Variants in SH2D6 observed in about 807,000 individuals in gnomAD.
SH2D6 encodes the protein SH2 domain containing 6.
Under a neutral mutation model 30.2 loss-of-function variants are expected in SH2D6, and 31 were observed. That is an observed-to-expected ratio of 1.03 (90% CI 0.77 to 1.38). SH2D6 has a LOEUF of 1.38. Among genes scored for constraint, SH2D6 ranks in the 40% most tolerant of loss-of-function variants. The pLI, the probability that SH2D6 is intolerant of heterozygous loss-of-function variation, is 0.00. For missense variants in SH2D6, 240 were observed against 266.8 expected (o/e 0.90, Z 0.70); for synonymous variants, 93 against 104.6 (o/e 0.89, Z 0.68).
chr2:85,423,016 T>G (rs1362929102), intron 5 of SH2D6, among the ~76,000 whole-genome samples: 1 of 151,798 alleles, frequency 6.6e-6, no homozygotes, highest in African/African-American at 2.4e-5. Flanking sequence ...GCCTCCCTAG[T>G]AGCTAGGATT....
intron 15 of SH2D6, 45 bp from the exon 16 acceptor site, chr2:85,433,526 A>T: frequency 1.0e-6 from 1 of 970,470 alleles, no homozygotes; most frequent in Non-Finnish European, 1.2e-6. Flanking sequence ...ATGGAGCCTC[A>T]GGACTGGTCA....
intron 14 of SH2D6, among the ~76,000 whole-genome samples, chr2:85,432,762 C>T (rs949675397): frequency 7.2e-5 from 11 of 152,196 alleles, no homozygotes; most frequent in African/African-American, 2.4e-4. Flanking sequence ...CCTCGAACTC[C>T]TCACCTCAAG....
chr2:85,426,717 A>T (rs1688079377), intron 6 of SH2D6, among the ~76,000 whole-genome samples: 2 of 152,372 alleles, frequency 1.3e-5, no homozygotes, highest in African/African-American at 4.8e-5. Flanking sequence ...ATAAACCAGT[A>T]AACATAAGTA....
At chr2:85,427,147 A>G (rs891200802) in intron 6 of SH2D6, among the ~76,000 whole-genome samples, 1 of 152,224 alleles carries the variant, frequency 6.6e-6, no homozygotes, top group Non-Finnish European at 1.5e-5. Context: ...CCTTGGGCCC[A>G]TGGCCTGTTC....
intron 13 of SH2D6, 127 bp downstream of exon 13, chr2:85,431,395 T>C: frequency 6.6e-6 from 1 of 150,606 alleles, no homozygotes; most frequent in Non-Finnish European, 1.5e-5. Flanking sequence ...AAGAGGCCCC[T>C]GAAAAATCAG....
chr2:85,420,492 G>A (rs1000556530), intron 2 of SH2D6, among the ~76,000 whole-genome samples: 3 of 152,192 alleles, frequency 2.0e-5, no homozygotes, highest in Admixed American at 2.0e-4. Flanking sequence ...CTTCGCACCA[G>A]ACCCTCAAGT....
intron 6 of SH2D6, among the ~76,000 whole-genome samples, chr2:85,426,227 G>A (rs896399084): frequency 5.3e-5 from 8 of 152,042 alleles, no homozygotes; most frequent in African/African-American, 1.4e-4. Flanking sequence ...CACGGGTCCC[G>A]GCTACACTTC....
Position 85,419,900 on chromosome 2 carries a change from C to G in SH2D6, c.-577+656C>G, listed in dbSNP as rs745961401. Among the ~76,000 whole-genome samples, 5 of 152,162 alleles carry G rather than the reference C, an allele frequency of 3.3e-5. No individual in the cohort carries two copies. The South Asian group carries it at 1.0e-3, about 32-fold the overall frequency. ...AGATGTGGGGTTCATATTAACTGGT[C>G]GCGTGGTCTCTAAGCATGCCTATTT... On this transcript the variant is annotated intron_variant, in intron 2 of 23. Coordinates refer to ENST00000469800, the MANE Select transcript of SH2D6 (RefSeq NM_001394463.1).
At position 85,436,501 on chromosome 2, in the gene SH2D6, C is replaced by T; in HGVS notation, c.927C>T (p.Phe309=). ...CCGTGGCGGCCATGGTCCAGCACTT[C>T]ATGTGGCACCCTCTGCCCCTTGTGG... ...FSSVAAMVQH[F]MWHPLPLVDR... is the part of the protein sequence containing the mutation. The change falls in exon 23 of 24, where the codon TTC becomes TTT. Residue 309 remains phenylalanine (F), a synonymous_variant. Transcript: ENST00000469800. 6.2e-7 allele frequency: 1 copy of T among 1,613,722 alleles called. No homozygotes were observed. The highest frequency in any genetic ancestry group is 8.5e-7 in the Non-Finnish European group (1 of 1,179,998).
chr2:85,435,432 A>T lies in SH2D6; in HGVS notation c.668A>T (p.Gln223Leu), dbSNP rs747472017. The T allele has an allele frequency of 1.2e-6, 2 of 1,613,880 alleles. No individual in the cohort carries two copies. Among genetic ancestry groups the T allele is most frequent in the East Asian group, 2.2e-5 (1 of 44,880 alleles). Residue 223 changes from glutamine (Q) to leucine (L), a missense_variant, in exon 21 of 24, where the codon CAG becomes CTG. By Grantham distance (113) the Gln-to-Leu change is moderately radical. Coordinates refer to ENST00000469800, the MANE Select transcript of SH2D6 (RefSeq NM_001394463.1). ...GCACAGGACAGTGATCTGCTGACTCAGCCTTGGTACTCGGGGAACTGTGAC... is the reference window on the plus strand; with the variant it reads ...GCACAGGACAGTGATCTGCTGACTCTGCCTTGGTACTCGGGGAACTGTGAC... ...SAAEDSDLLT[Q>L]PWYSGNCDRY... is the part of the protein sequence containing the mutation.
At position 85,436,486 on chromosome 2, in the gene SH2D6, C is replaced by T; in HGVS notation, c.912C>T (p.Ala304=). The change falls in exon 23 of 24, where the codon GCC becomes GCT. Residue 304 remains alanine, a synonymous_variant. Transcript: ENST00000469800. ...NREELFSSVA[A]MVQHFMWHPL... ...GCCAGCTCTTCTCCTCCGTGGCGGCCATGGTCCAGCACTTCATGTGGCACC... is the reference window on the plus strand; with the variant it reads ...GCCAGCTCTTCTCCTCCGTGGCGGCTATGGTCCAGCACTTCATGTGGCACC... The T allele has an allele frequency of 1.2e-6, 2 of 1,613,690 alleles. No individual in the cohort carries two copies. Among genetic ancestry groups the T allele is most frequent in the African/African-American group, 1.3e-5 (1 of 75,070 alleles).
At chr2:85,436,236 T>G (rs1247271527) in intron 22 of SH2D6, among the ~76,000 whole-genome samples, 2 of 152,176 alleles carry the variant, frequency 1.3e-5, no homozygotes, top group African/African-American at 4.8e-5. Flanking sequence ...TGATCTAGCC[T>G]TGGACATAAG....
At chr2:85,432,590 C>A (rs538660271) in intron 14 of SH2D6, among the ~76,000 whole-genome samples, 1 of 151,862 alleles carries the variant, frequency 6.6e-6, no homozygotes, top group Non-Finnish European at 1.5e-5. Flanking sequence ...TTAGTAGAGA[C>A]GGGGTTTCAC....
chr2:85,423,209 T>C (rs1292344602), intron 5 of SH2D6, among the ~76,000 whole-genome samples: 1 of 150,862 alleles, frequency 6.6e-6, no homozygotes, highest in Non-Finnish European at 1.5e-5. Context: ...TTGTTGTTGT[T>C]GTTGTTTTTG....
At chr2:85,434,907 A>C (rs929190074) in intron 19 of SH2D6, 158 bp from the exon 20 acceptor site, 1 of 1,591,340 alleles carries the variant, frequency 6.3e-7, no homozygotes, top group Non-Finnish European at 8.5e-7. Context: ...AGGGCACTGG[A>C]TCTGGAGAGT....
At chr2:85,425,806 C>T (rs891607654) in intron 6 of SH2D6, among the ~76,000 whole-genome samples, 1 of 152,072 alleles carries the variant, frequency 6.6e-6, no homozygotes, top group Non-Finnish European at 1.5e-5. Context: ...AGGGCTCACT[C>T]CCCTAAGCCT....
At chr2:85,435,189 C>A in intron 20 of SH2D6, 66 bp downstream of exon 20, 1 of 1,515,798 alleles carries the variant, frequency 6.6e-7, no homozygotes. Context: ...AGTCCTTACC[C>A]AGGAACCCTC....
intron 23 of SH2D6, 83 bp downstream of exon 23, chr2:85,436,677 C>A: frequency 1.0e-6 from 1 of 997,390 alleles, no homozygotes; most frequent in Non-Finnish European, 1.6e-6. Flanking sequence ...CACCCCTCCT[C>A]ACCCTAGCCT....
rs776211553 is a variant in SH2D6, at chr2:85,435,137, G to A, written c.648+14G>A. The A allele has an allele frequency of 5.2e-5, 84 of 1,609,398 alleles. No homozygotes were observed. The highest frequency in any genetic ancestry group is 2.4e-5 in the Non-Finnish European group (28 of 1,178,386). ...TCAGCTGCTGAGGTGAGGAGGGGCT[G>A]GGAGCAGGCTGTAGGGAGAGGTTCC... is the stretch of plus-strand genomic sequence containing the variant. On this transcript the variant is annotated intron_variant, in intron 20 of 23. Transcript: ENST00000469800.
Sources: gnomAD v4.1 joint callset for allele counts (sites outside exome capture counted in the v4.1 genomes callset) on GRCh38, gnomAD v4.1.1 for gene constraint, MANE v1.5 for transcripts, NCBI Gene and HGNC (gene_info 2026-07-23, HGNC 2026-07-21) for gene names.